Variants in TMEM131 observed in about 807,000 individuals in gnomAD.
The protein encoded by TMEM131 is transmembrane protein 131.
TMEM131 carries 66 observed loss-of-function variants against 211.6 expected under a neutral mutation model. That is an observed-to-expected ratio of 0.31 (90% CI 0.26 to 0.38). The LOEUF is 0.38. Ranked by LOEUF, TMEM131 falls within the 10% of genes least tolerant of loss-of-function variation. TMEM131 has a pLI of 1.00. For synonymous variants in TMEM131, 844 were observed against 841.3 expected, an observed-to-expected ratio of 1.00 and a Z score of -0.06; for missense variants, 2,036 against 2,299.3, an observed-to-expected ratio of 0.89 and a Z score of 2.34.
intron 31 of TMEM131, among the ~76,000 whole-genome samples, chr2:97,790,049 A>G (rs958913237): frequency 1.3e-5 from 2 of 152,224 alleles, no homozygotes; most frequent in Non-Finnish European, 2.9e-5. Flanking sequence ...ATTATAAGAA[A>G]TAATTTTAGT....
chr2:97,841,305 G>A (rs1045394552), intron 7 of TMEM131, among the ~76,000 whole-genome samples: 2 of 152,190 alleles, frequency 1.3e-5, no homozygotes, highest in African/African-American at 4.8e-5. Flanking sequence ...AACAATTACT[G>A]CTAGAAGATT....
At chr2:97,989,260 C>A in intron 1 of TMEM131, among the ~76,000 whole-genome samples, 2 of 144,190 alleles carry the variant, frequency 1.4e-5, no homozygotes, top group African/African-American at 2.6e-5. Flanking sequence ...CTCAAAACAT[C>A]ATTTCAAAAA....
chr2:97,809,690 G>C lies in TMEM131; in HGVS notation c.2053C>G (p.Pro685Ala). 6.2e-7 allele frequency: 1 copy of C among 1,609,400 alleles called. No individual in the cohort carries two copies. The highest frequency in any genetic ancestry group is 8.5e-7 in the Non-Finnish European group (1 of 1,177,638). Residue 685 changes from proline (P) to alanine (A), a missense_variant and splice_region_variant, in exon 19 of 41, where the codon CCA becomes GCA. Physicochemically the swap from Pro to Ala is conservative, Grantham distance 27 (BLOSUM62 -1). Around this residue, in one of 3 missense-constraint regions of TMEM131, gnomAD observed 1,623 missense variants for 1,805.9 expected, o/e 0.90. Coordinates refer to ENST00000186436, the MANE Select transcript of TMEM131 (RefSeq NM_015348.2). Reference sequence around the variant, plus strand: ...AATGTGTGTATTAATGGTCTTACTGGAAAGGAAGGTGGAAGAACCACGTGC... The same window carrying C: ...AATGTGTGTATTAATGGTCTTACTGCAAAGGAAGGTGGAAGAACCACGTGC... ...PKHVVLPPSF[P>A]GKIVHQSLNI...
At chr2:97,851,962 C>T (rs913652328) in intron 5 of TMEM131, among the ~76,000 whole-genome samples, 8 of 152,168 alleles carry the variant, frequency 5.3e-5, no homozygotes, top group Non-Finnish European at 1.0e-4. Context: ...GGAAGACATG[C>T]TCAAAGCCAA....
intron 31 of TMEM131, among the ~76,000 whole-genome samples, chr2:97,788,522 A>C (rs1246320110): frequency 6.6e-6 from 1 of 152,168 alleles, no homozygotes; most frequent in African/African-American, 2.4e-5. Context: ...ACTCACGCAC[A>C]TCTGCACACC....
rs117946223 is a variant in TMEM131 at position 97,886,372 on chromosome 2, G to A, written c.359+1680C>T. 1.3e-4 allele frequency among the ~76,000 whole-genome samples: 20 copies of A among 152,194 alleles called. No individual in the cohort carries two copies. In the East Asian group the frequency reaches 3.9e-3, roughly 29 times the overall value. Reference sequence around the variant, plus strand: ...TCCCCATGTTGATTTCTATACATCTGGTAGAAAAGTCATTTCTTCCAATTT... The same window carrying A: ...TCCCCATGTTGATTTCTATACATCTAGTAGAAAAGTCATTTCTTCCAATTT... On this transcript the variant is annotated intron_variant, in intron 4 of 40. Transcript: ENST00000186436.
At chr2:97,914,520 T>C (rs1210292850) in intron 2 of TMEM131, among the ~76,000 whole-genome samples, 1 of 152,204 alleles carries the variant, frequency 6.6e-6, no homozygotes, top group Non-Finnish European at 1.5e-5. Context: ...GCTTTTATAA[T>C]CACACTCATC....
chr2:97,909,664 T>C (rs186014700), intron 2 of TMEM131, among the ~76,000 whole-genome samples: 180 of 152,318 alleles, frequency 1.2e-3, no homozygotes, highest in Middle Eastern at 3.4e-3. Flanking sequence ...TATTTTGAAA[T>C]AGTATTTTGG....
intron 31 of TMEM131, among the ~76,000 whole-genome samples, chr2:97,788,612 T>C (rs1680359313): frequency 6.6e-6 from 1 of 152,192 alleles, no homozygotes; most frequent in South Asian, 2.1e-4. Flanking sequence ...TTTCACCAAT[T>C]ATCTCCTCAT....
chr2:97,766,428 A>C, intron 34 of TMEM131, 50 bp downstream of exon 34: 1 of 1,612,892 alleles, frequency 6.2e-7, no homozygotes, highest in Non-Finnish European at 8.5e-7. Flanking sequence ...AATACGGTGC[A>C]CTATGAAAAG....
At chr2:97,819,221 C>T (rs948366252) in intron 11 of TMEM131, among the ~76,000 whole-genome samples, 4 of 152,132 alleles carry the variant, frequency 2.6e-5, no homozygotes, top group African/African-American at 9.7e-5. Context: ...CTAGACATGG[C>T]TCTGCGAGTG....
chr2:97,897,163 G>C (rs529998896), intron 3 of TMEM131, among the ~76,000 whole-genome samples: 1 of 152,152 alleles, frequency 6.6e-6, no homozygotes, highest in African/African-American at 2.4e-5. Flanking sequence ...ATTACTGACT[G>C]TATTACTTTT....
In TMEM131 at chr2:97,775,948, C is replaced by G; in HGVS notation, c.4215G>C (p.Lys1405Asn). Residue 1405 changes from lysine (K) to asparagine (N), a missense_variant, in exon 32 of 41, where the codon AAG becomes AAC. Lys to Asn is a moderately conservative substitution (Grantham distance 94, BLOSUM62 0). Transcript: ENST00000186436. ...KKQEEKEKKGKGKPQEDELKD... is the reference protein window; with the variant it reads ...KKQEEKEKKGNGKPQEDELKD... ...TCAGCTCATCTTCCTGTGGCTTTCC[C>G]TTTCCCTTCTTCTCCTTTTCCTCTT... 6.2e-7 allele frequency: 1 copy of G among 1,614,008 alleles called. No individual in the cohort carries two copies. Among genetic ancestry groups the G allele is most frequent in the Non-Finnish European group, 8.5e-7 (1 of 1,179,886 alleles).
intron 31 of TMEM131, among the ~76,000 whole-genome samples, chr2:97,780,071 A>G (rs1039367072): frequency 7.9e-5 from 12 of 152,060 alleles, no homozygotes; most frequent in African/African-American, 2.9e-4. Context: ...AAAAAAACAA[A>G]AACAAAAACA....
At chr2:97,803,378 G>A (rs1413793279) in intron 22 of TMEM131, among the ~76,000 whole-genome samples, 1 of 152,176 alleles carries the variant, frequency 6.6e-6, no homozygotes, top group African/African-American at 2.4e-5. Flanking sequence ...TAAAACCTAC[G>A]AGGGTTTTGT....
At chr2:97,789,146 A>G (rs552399988) in intron 31 of TMEM131, among the ~76,000 whole-genome samples, 2 of 152,232 alleles carry the variant, frequency 1.3e-5, no homozygotes, top group South Asian at 4.2e-4. Flanking sequence ...GGTCACAAAT[A>G]ATGTCCTCAA....
intron 3 of TMEM131, among the ~76,000 whole-genome samples, chr2:97,891,881 TA>T (rs79065083): frequency 0.018 from 2,673 of 152,212 alleles, 112 homozygotes; most frequent in East Asian, 0.15. Flanking sequence ...CCTGCATTTT[TA>T]AGCACCCTCA....
rs1425871216 is a variant in TMEM131, at chr2:97,923,308, AAACAGG to A, written c.249+4112_249+4117del. On this transcript the variant is annotated intron_variant, in intron 2 of 40. Coordinates refer to ENST00000186436, the MANE Select transcript of TMEM131 (RefSeq NM_015348.2). ...AAAGTAAATAAATAAAAATAAAATAAAACAGGACTTTAAGTTTTAAAAGACAAAATT... is the reference window on the plus strand; with the variant it reads ...AAAGTAAATAAATAAAAATAAAATAAACTTTAAGTTTTAAAAGACAAAATT... 6.2e-3 allele frequency among the ~76,000 whole-genome samples: 940 copies of A among 151,946 alleles called. 14 individuals carry two copies. The highest frequency in any genetic ancestry group is 0.02 in the African/African-American group (819 of 41,412).
intron 5 of TMEM131, among the ~76,000 whole-genome samples, chr2:97,853,075 G>C (rs938047344): frequency 6.6e-6 from 1 of 152,194 alleles, no homozygotes; most frequent in African/African-American, 2.4e-5. Flanking sequence ...GGTCACCCAG[G>C]AGCTCTGATG....
Sources: gnomAD v4.1 joint callset for allele counts (sites outside exome capture counted in the v4.1 genomes callset) on GRCh38, gnomAD v4.1.1 for gene constraint, gnomAD v4.1.1 regional missense constraint, MANE v1.5 for transcripts, NCBI Gene and HGNC (gene_info 2026-07-23, HGNC 2026-07-21) for gene names.